Variants in DAB1 observed in about 807,000 individuals in gnomAD.
DAB1 encodes disabled homolog 1.
In DAB1, 15 loss-of-function variants were observed where a neutral mutation model predicts 64.6. That is an observed-to-expected ratio of 0.23 (90% CI 0.16 to 0.36). The LOEUF is 0.36. DAB1 is among the 10% of genes least tolerant of loss of function. The probability of loss-of-function intolerance (pLI) is 1.00; values close to 1 mark genes in which losing one functional copy is unlikely to be tolerated. For missense variants in DAB1, 596 were observed against 706.7 expected, an observed-to-expected ratio of 0.84 and a Z score of 1.78; for synonymous variants, 235 against 251.9, an observed-to-expected ratio of 0.93 and a Z score of 0.64.
intron 4 of DAB1, among the ~76,000 whole-genome samples, chr1:58,169,684 G>A (rs1214965714): frequency 3.3e-5 from 5 of 152,210 alleles, no homozygotes; most frequent in African/African-American, 4.8e-5. Flanking sequence ...ACACCCCACA[G>A]GAGGACCTCT....
chr1:57,417,339 A>C (rs927452236), intron 1 of DAB1, among the ~76,000 whole-genome samples: 1 of 152,196 alleles, frequency 6.6e-6, no homozygotes. Context: ...AACGCCCACA[A>C]GCTTAGCATT....
chr1:58,452,973 A>C (rs115455281), intron 3 of DAB1, among the ~76,000 whole-genome samples: 2,385 of 152,350 alleles, frequency 0.016, 67 homozygotes, highest in African/African-American at 0.054. Context: ...TAAATGGTAT[A>C]ACTTCTCTTT....
chr1:57,574,353 C>T (rs1645225373), intron 7 of DAB1, among the ~76,000 whole-genome samples: 1 of 152,148 alleles, frequency 6.6e-6, no homozygotes, highest in Admixed American at 6.5e-5. Context: ...GTGAATTTGG[C>T]AGGCCCTGGT....
intron 7 of DAB1, among the ~76,000 whole-genome samples, chr1:57,477,970 G>T (rs1169677100): frequency 6.6e-6 from 1 of 151,624 alleles, no homozygotes; most frequent in Non-Finnish European, 1.5e-5. Flanking sequence ...TGTTACATAT[G>T]TATACATGTG....
intron 4 of DAB1, among the ~76,000 whole-genome samples, chr1:58,161,531 A>C (rs180849618): frequency 1.3e-5 from 2 of 152,332 alleles, no homozygotes; most frequent in African/African-American, 2.4e-5. Context: ...ACAGGCAATA[A>C]CATGAGGTAA....
chr1:57,238,539 T>C (rs1668257950), intron 2 of DAB1, among the ~76,000 whole-genome samples: 1 of 152,198 alleles, frequency 6.6e-6, no homozygotes, highest in African/African-American at 2.4e-5. Flanking sequence ...GGTCTTGTGA[T>C]GAAGCACGAG....
intron 5 of DAB1, among the ~76,000 whole-genome samples, chr1:58,127,347 T>C (rs1653180151): frequency 6.6e-6 from 1 of 152,090 alleles, no homozygotes; most frequent in Non-Finnish European, 1.5e-5. Context: ...TCATTGTAGA[T>C]TCTGGATATT....
rs550794161 is a variant in DAB1 at position 58,130,670 on chromosome 1, C to G, written n.387+19841G>C. Among the ~76,000 whole-genome samples the G allele has an allele frequency of 3.8e-3, 571 of 151,980 alleles. 4 individuals are homozygous for G. Among genetic ancestry groups the G allele is most frequent in the African/African-American group, 0.013 (549 of 41,440 alleles). On this transcript the variant is annotated intron_variant and non_coding_transcript_variant, in intron 5 of 20. Coordinates refer to the DAB1 transcript ENST00000485760. ...CAGGCCTGGTGGTGACAAAATCTCT[C>G]AGCATTTGCTTGTCTGTAAAGTATT...
intron 2 of DAB1, among the ~76,000 whole-genome samples, chr1:57,231,285 C>T (rs1667655647): frequency 6.6e-6 from 1 of 152,158 alleles, no homozygotes; most frequent in Non-Finnish European, 1.5e-5. Context: ...CAAGACAAGG[C>T]TGGGAATTTC....
intron 1 of DAB1, among the ~76,000 whole-genome samples, chr1:57,350,616 T>C (rs763193171): frequency 6.6e-6 from 1 of 151,880 alleles, no homozygotes; most frequent in Non-Finnish European, 1.5e-5. Context: ...GCTGACCCAA[T>C]CAAAAGCATG....
chr1:57,890,856 T>C (rs1277766787), intron 5 of DAB1, among the ~76,000 whole-genome samples: 1 of 152,196 alleles, frequency 6.6e-6, no homozygotes, highest in Non-Finnish European at 1.5e-5. Context: ...ACTGTATCTC[T>C]ATTCAGTTAA....
chr1:57,099,558 C>T (rs1395743627), intron 4 of DAB1, among the ~76,000 whole-genome samples: 1 of 152,142 alleles, frequency 6.6e-6, no homozygotes, highest in African/African-American at 2.4e-5. Context: ...TTATTTAATC[C>T]TTAGTACTTC....
intron 1 of DAB1, among the ~76,000 whole-genome samples, chr1:57,299,323 A>T (rs1416259620): frequency 1.3e-5 from 2 of 152,214 alleles, no homozygotes; most frequent in Non-Finnish European, 2.9e-5. Context: ...GATTTATGTG[A>T]AAGTATTTTT....
intron 3 of DAB1, among the ~76,000 whole-genome samples, chr1:58,472,868 G>A (rs945297859): frequency 5.9e-5 from 9 of 152,166 alleles, no homozygotes; most frequent in Middle Eastern, 3.4e-3. Flanking sequence ...TATAAATCAC[G>A]TGTGGAAGTA....
intron 6 of DAB1, among the ~76,000 whole-genome samples, chr1:57,802,462 C>T (rs1651172442): frequency 6.6e-6 from 1 of 152,162 alleles, no homozygotes; most frequent in Non-Finnish European, 1.5e-5. Flanking sequence ...AATTGGGAGG[C>T]AAACCCAACA....
At chr1:57,847,190 CT>C (rs1174510991) in intron 1 of DAB1, among the ~76,000 whole-genome samples, 1 of 152,048 alleles carries the variant, frequency 6.6e-6, no homozygotes, top group African/African-American at 2.4e-5. Flanking sequence ...TACCATTACA[CT>C]TCTGTCACTA....
chr1:58,019,136 T>A (rs1463256194), intron 5 of DAB1, among the ~76,000 whole-genome samples: 1 of 152,174 alleles, frequency 6.6e-6, no homozygotes, highest in African/African-American at 2.4e-5. Flanking sequence ...TACTCCCAGC[T>A]CTAAAATTCT....
chr1:58,074,564 G>GTGTGTGTGTATGTATATATATATATA (rs1332531604), intron 5 of DAB1: 1 of 91,632 alleles, frequency 1.1e-5, no homozygotes, highest in Non-Finnish European at 2.1e-5. Flanking sequence ...ATATATGTGT[G>GTGTGTGTGTATGTATATATATATATA]TATATATATA....
In DAB1 at chr1:57,367,068, TAAAATAAAATAA is replaced by T. The variant is rs1313465344; in HGVS notation, c.-137+56850_-137+56861del. Reference sequence around the variant, plus strand: ...CAAAATAAAATAAAATAAAATAAAATAAAATAAAATAAAATAAAATAAAATAAAATAAAATAA... The same window carrying T: ...CAAAATAAAATAAAATAAAATAAAATAATAAAATAAAATAAAATAAAATAA... On this transcript the variant is annotated intron_variant, in intron 1 of 14. Coordinates refer to ENST00000371236, the MANE Select transcript of DAB1 (RefSeq NM_001365792.1). 3.9e-5 allele frequency among the ~76,000 whole-genome samples: 3 copies of T among 76,844 alleles called. No homozygotes were observed. The Admixed American group carries it at 3.9e-4, about 10-fold the overall frequency. 50.4% of individuals were successfully genotyped at this position (76,844 alleles called of 152,430 possible). A position where few individuals can be genotyped will look rare whatever the true frequency, so the allele number is the denominator to read the frequency against.
Sources: allele counts gnomAD v4.1 joint callset (sites outside exome capture counted in the v4.1 genomes callset), GRCh38; gene constraint gnomAD v4.1.1; transcripts MANE v1.5; gene names NCBI Gene and HGNC (gene_info 2026-07-23, HGNC 2026-07-21).